THSD7B: variants seen among roughly 807,000 people sequenced by gnomAD.
THSD7B encodes thrombospondin type 1 domain containing 7B.
Under a neutral mutation model 213.6 loss-of-function variants are expected in THSD7B, and 138 were observed. The ratio of observed to expected loss-of-function variants is 0.65; its 90% CI spans 0.56 to 0.74. The LOEUF is 0.74. THSD7B is among the 30% of genes least tolerant of loss of function. The pLI, the probability that THSD7B is intolerant of heterozygous loss-of-function variation, is 0.00. For missense variants in THSD7B, 1,931 were observed against 1,991.5 expected, an observed-to-expected ratio of 0.97 and a Z score of 0.58; for synonymous variants, 742 against 687.0, an observed-to-expected ratio of 1.08 and a Z score of -1.25.
intron 10 of THSD7B, among the ~76,000 whole-genome samples, chr2:137,265,085 T>G (rs1281104120): frequency 2.0e-5 from 3 of 152,268 alleles, no homozygotes. Flanking sequence ...GTGTTTGGTT[T>G]TTTGTTCTTG....
intron 14 of THSD7B, among the ~76,000 whole-genome samples, chr2:137,419,377 T>TTTTTTTTTTTTTGAGACGGA (rs1386654895): frequency 3.0e-4 from 23 of 77,232 alleles, no homozygotes; most frequent in African/African-American, 7.1e-4. Context: ...CCTGAGTTCT[T>TTTTTTTTTTTTTGAGACGGA]GTCCCACATC....
At chr2:137,647,228 C>T (rs1030374359) in intron 21 of THSD7B, among the ~76,000 whole-genome samples, 1 of 152,172 alleles carries the variant, frequency 6.6e-6, no homozygotes, top group Non-Finnish European at 1.5e-5. Context: ...AAAATCTAGA[C>T]AATGCAGTTT....
At chr2:137,174,601 A>G (rs1478512993) in intron 7 of THSD7B, among the ~76,000 whole-genome samples, 3 of 152,200 alleles carry the variant, frequency 2.0e-5, no homozygotes, top group African/African-American at 7.2e-5. Flanking sequence ...CAATACTATC[A>G]GTGCCACTGA....
chr2:137,623,166 G>A (rs1041827853), intron 20 of THSD7B, among the ~76,000 whole-genome samples: 176 of 152,226 alleles, frequency 1.2e-3, no homozygotes, highest in African/African-American at 3.8e-3. Flanking sequence ...ATGCAAGGCC[G>A]GTTCAACATA....
At chr2:137,486,513 A>C (rs2105114255) in intron 15 of THSD7B, among the ~76,000 whole-genome samples, 1 of 151,154 alleles carries the variant, frequency 6.6e-6, no homozygotes, top group South Asian at 2.1e-4. Flanking sequence ...GTGACCTACA[A>C]AGAGACTTAG....
chr2:136,975,476 A>G (rs1685466218), intron 2 of THSD7B, among the ~76,000 whole-genome samples: 1 of 152,080 alleles, frequency 6.6e-6, no homozygotes, highest in African/African-American at 2.4e-5. Flanking sequence ...TGTCTGGTTT[A>G]TCAAAGATAA....
chr2:137,481,905 C>T (rs1419746364), intron 15 of THSD7B, among the ~76,000 whole-genome samples: 2 of 152,186 alleles, frequency 1.3e-5, no homozygotes, highest in African/African-American at 4.8e-5. Flanking sequence ...CGGCTGGCCG[C>T]AGTGGCTCAC....
At chr2:136,831,130 T>TTTTTTC (rs1491350776) in intron 1 of THSD7B, among the ~76,000 whole-genome samples, 6 of 4,610 alleles carry the variant, frequency 1.3e-3, no homozygotes, top group Admixed American at 0.012. Context: ...CTGTAGAATC[T>TTTTTTC]TTTTTTTTTT....
intron 27 of THSD7B, among the ~76,000 whole-genome samples, chr2:137,670,265 C>T (rs956203376): frequency 6.6e-6 from 1 of 152,068 alleles, no homozygotes; most frequent in Non-Finnish European, 1.5e-5. Flanking sequence ...AGGGATCAGC[C>T]CTTTCCTACT....
intron 12 of THSD7B, among the ~76,000 whole-genome samples, chr2:137,330,731 T>G (rs1684482956): frequency 6.6e-6 from 1 of 151,306 alleles, no homozygotes; most frequent in South Asian, 2.1e-4. Context: ...ACCCAAAGAG[T>G]GAGCAGCAGC....
intron 2 of THSD7B, among the ~76,000 whole-genome samples, chr2:136,903,826 T>C (rs970932251): frequency 1.3e-5 from 2 of 152,140 alleles, no homozygotes; most frequent in African/African-American, 2.4e-5. Flanking sequence ...CCCAGCACAG[T>C]GGCCAGGGCC....
At chr2:137,584,378 T>A (rs1681662196) in intron 17 of THSD7B, among the ~76,000 whole-genome samples, 1 of 151,420 alleles carries the variant, frequency 6.6e-6, no homozygotes, top group South Asian at 2.1e-4. Flanking sequence ...ACACTATGAA[T>A]ACGAGTGGTG....
chr2:137,590,198 A>T (rs1044564866), intron 17 of THSD7B, among the ~76,000 whole-genome samples: 1 of 152,190 alleles, frequency 6.6e-6, no homozygotes, highest in African/African-American at 2.4e-5. Context: ...ACTATTTACC[A>T]TGGCTAATAC....
chr2:137,581,922 A>T (rs1681589102), intron 17 of THSD7B, among the ~76,000 whole-genome samples: 1 of 150,812 alleles, frequency 6.6e-6, no homozygotes, highest in Non-Finnish European at 1.5e-5. Flanking sequence ...CATAGTAAAA[A>T]CTCCCTCTCT....
intron 1 of THSD7B, among the ~76,000 whole-genome samples, chr2:136,794,021 A>G (rs536069706): frequency 2.4e-4 from 37 of 151,622 alleles, no homozygotes; most frequent in Non-Finnish European, 4.9e-4. Flanking sequence ...ATTTATTGCT[A>G]TAAATTTGTT....
intron 17 of THSD7B, among the ~76,000 whole-genome samples, chr2:137,583,923 T>A (rs962057836): frequency 2.6e-5 from 4 of 152,190 alleles, no homozygotes; most frequent in African/African-American, 9.7e-5. Context: ...ATAAATTACC[T>A]TTGGCAGTAT....
chr2:136,967,683 A>G (rs1395417206), intron 2 of THSD7B, among the ~76,000 whole-genome samples: 1 of 152,234 alleles, frequency 6.6e-6, no homozygotes, highest in East Asian at 1.9e-4. Flanking sequence ...TCAGGTTTAG[A>G]AATACAATAT....
intron 4 of THSD7B, among the ~76,000 whole-genome samples, chr2:137,098,118 C>T (rs558244325): frequency 2.7e-4 from 41 of 152,280 alleles, no homozygotes; most frequent in African/African-American, 7.9e-4. Flanking sequence ...CAGAAATTCT[C>T]GTTTCCTTTC....
At chr2:137,431,187 G>A (rs183075935) in intron 14 of THSD7B, among the ~76,000 whole-genome samples, 59 of 152,260 alleles carry the variant, frequency 3.9e-4, no homozygotes, top group Non-Finnish European at 7.8e-4. Context: ...GAAATACATT[G>A]GTTTGATCTA....
Sources: allele counts gnomAD v4.1 joint callset (sites outside exome capture counted in the v4.1 genomes callset), GRCh38; gene constraint gnomAD v4.1.1; transcripts MANE v1.5; gene names NCBI Gene and HGNC (gene_info 2026-07-23, HGNC 2026-07-21).